RAD51B: variants seen among roughly 807,000 people sequenced by gnomAD.
The protein encoded by RAD51B is RAD51 paralog B.
A neutral mutation model predicts 42.2 loss-of-function variants in RAD51B; 38 were observed. The observed-to-expected ratio is 0.90, with a 90% CI of 0.70 to 1.18. The LOEUF is 1.18. Ranked by LOEUF, RAD51B falls within the 50% of genes most tolerant of loss-of-function variation. The probability of loss-of-function intolerance (pLI) is 0.00; values close to 1 mark genes in which losing one functional copy is unlikely to be tolerated. For synonymous variants in RAD51B, 154 were observed against 145.2 expected (o/e 1.06, Z -0.43); for missense variants, 373 against 400.7 (o/e 0.93, Z 0.59).
intron 3 of RAD51B, among the ~76,000 whole-genome samples, chr14:67,833,991 T>G (rs2041144708): frequency 6.6e-6 from 1 of 152,242 alleles, no homozygotes; most frequent in South Asian, 2.1e-4. Flanking sequence ...GTGGCAGTTC[T>G]AATACAAATC....
At chr14:68,342,700 T>C (rs2139841450) in intron 8 of RAD51B, among the ~76,000 whole-genome samples, 1 of 148,136 alleles carries the variant, frequency 6.8e-6, no homozygotes, top group Admixed American at 7.0e-5. Flanking sequence ...CGCAGAAAGG[T>C]TTATCCTTGT....
intron 3 of RAD51B, 41 bp from the exon 4 acceptor site, chr14:67,835,039 A>ATG: frequency 7.0e-7 from 1 of 1,437,230 alleles, no homozygotes; most frequent in Non-Finnish European, 9.7e-7. Context: ...TTTTGAATAT[A>ATG]TATAGAGGTT....
intron 10 of RAD51B, among the ~76,000 whole-genome samples, chr14:68,550,567 T>A (rs1469945214): frequency 5.3e-5 from 8 of 152,270 alleles, no homozygotes; most frequent in African/African-American, 1.9e-4. Context: ...GCATTTTGCC[T>A]GTTGGAATGT....
Position 68,110,357 on chromosome 14 carries a change from C to T in RAD51B, c.757-181527C>T, listed in dbSNP as rs540254812. Among the ~76,000 whole-genome samples, 15 of 151,986 alleles carry T rather than the reference C, an allele frequency of 9.9e-5. 1 individual carries two copies. The South Asian group carries it at 3.1e-3, about 32-fold the overall frequency. On this transcript the variant is annotated intron_variant, in intron 7 of 10. Coordinates refer to ENST00000471583, the MANE Select transcript of RAD51B (RefSeq NM_133510.4). The stretch of plus-strand genomic sequence containing the variant: ...AAGGTGTTCATACTGTTCCACAATC[C>T]CCTCTTCTTACCATTATTAGTTAGG...
intron 8 of RAD51B, among the ~76,000 whole-genome samples, chr14:68,301,592 G>GTTT (rs139865933): frequency 6.7e-4 from 73 of 109,742 alleles, no homozygotes; most frequent in African/African-American, 1.5e-3. Context: ...TTGTTTGTGT[G>GTTT]TTTTTTTTTT....
chr14:68,308,592 A>G (rs1022357809), intron 8 of RAD51B, among the ~76,000 whole-genome samples: 7 of 152,038 alleles, frequency 4.6e-5, no homozygotes, highest in African/African-American at 1.4e-4. Context: ...TTAAGAAACA[A>G]AACTTTCTAG....
intron 10 of RAD51B, among the ~76,000 whole-genome samples, chr14:68,504,662 C>CTTTTTTTTTTTTTTTTTTTTTTTTTTCTT (rs57967320): frequency 1.1e-5 from 1 of 90,434 alleles, no homozygotes; most frequent in African/African-American, 4.1e-5. Flanking sequence ...TTTTTTCTTT[C>CTTTTTTTTTTTTTTTTTTTTTTTTTTCTT]TTTTTTTTTT....
chr14:68,278,564 T>A (rs566218880), intron 7 of RAD51B, among the ~76,000 whole-genome samples: 132 of 152,326 alleles, frequency 8.7e-4, no homozygotes, highest in African/African-American at 3.1e-3. Context: ...ATTGCATTTG[T>A]TAAAAATTCC....
intron 7 of RAD51B, among the ~76,000 whole-genome samples, chr14:68,250,223 C>G (rs1263417843): frequency 6.6e-6 from 1 of 152,176 alleles, no homozygotes; most frequent in Non-Finnish European, 1.5e-5. Context: ...CCCTACCAGT[C>G]CCCCTCATTC....
intron 7 of RAD51B, among the ~76,000 whole-genome samples, chr14:68,090,919 T>G (rs1052925112): frequency 1.7e-4 from 24 of 144,432 alleles, no homozygotes; most frequent in South Asian, 4.4e-4. Flanking sequence ...TTCTCATTGT[T>G]CAATTCCCAC....
At chr14:68,588,809 C>G (rs940467771) in intron 10 of RAD51B, among the ~76,000 whole-genome samples, 1 of 152,144 alleles carries the variant, frequency 6.6e-6, no homozygotes, top group Admixed American at 6.5e-5. Flanking sequence ...TGTGTTCTGT[C>G]ATTACAGTCC....
At chr14:68,655,307 A>G (rs1192447770) in intron 11 of RAD51B, among the ~76,000 whole-genome samples, 1 of 152,074 alleles carries the variant, frequency 6.6e-6, no homozygotes, top group Non-Finnish European at 1.5e-5. Flanking sequence ...GAGCAGGTTC[A>G]CAGCTGCTCA....
intron 7 of RAD51B, among the ~76,000 whole-genome samples, chr14:68,096,060 G>C (rs1412617169): frequency 1.3e-5 from 2 of 150,504 alleles, no homozygotes; most frequent in Non-Finnish European, 2.9e-5. Flanking sequence ...AGCAGAACCA[G>C]AATGTGAAGC....
intron 8 of RAD51B, among the ~76,000 whole-genome samples, chr14:68,355,061 A>G (rs551160875): frequency 6.6e-6 from 1 of 152,344 alleles, no homozygotes; most frequent in African/African-American, 2.4e-5. Context: ...CGTGATGCAC[A>G]GTAAAAAGAA....
chr14:67,875,933 A>G (rs1453207006), intron 5 of RAD51B, among the ~76,000 whole-genome samples: 1 of 152,210 alleles, frequency 6.6e-6, no homozygotes, highest in Non-Finnish European at 1.5e-5. Flanking sequence ...AGAAAGAAAC[A>G]ATAGGGGAGA....
At chr14:67,909,705 G>C (rs1475338613) in intron 7 of RAD51B, among the ~76,000 whole-genome samples, 2 of 152,182 alleles carry the variant, frequency 1.3e-5, no homozygotes, top group African/African-American at 4.8e-5. Flanking sequence ...TTTTTTGAGA[G>C]AGGGTCTCTG....
In RAD51B at chr14:68,004,328, G is replaced by A. The variant is rs112052028; in HGVS notation, c.756+117124G>A. 9.0e-3 allele frequency among the ~76,000 whole-genome samples: 996 copies of A among 110,324 alleles called. 10 individuals carry two copies. Among genetic ancestry groups the A allele is most frequent in the African/African-American group, 0.036 (952 of 26,764 alleles). 72.4% of individuals were successfully genotyped at this position (110,324 alleles called of 152,430 possible). ...AGCCTGGGCAACACAGCAAGACTCC[G>A]TCTCAAAAAAAAAAAAAAAAAAAAA... On this transcript the variant is annotated intron_variant, in intron 7 of 10. Transcript: ENST00000471583.
intron 10 of RAD51B, among the ~76,000 whole-genome samples, chr14:68,518,914 C>T (rs1487713968): frequency 6.6e-6 from 1 of 152,212 alleles, no homozygotes; most frequent in Admixed American, 6.5e-5. Flanking sequence ...ATGTGACATT[C>T]TGGACCAAAC....
chr14:67,970,677 A>G (rs542722924), intron 7 of RAD51B, among the ~76,000 whole-genome samples: 1 of 151,970 alleles, frequency 6.6e-6, no homozygotes, highest in South Asian at 2.1e-4. Context: ...TCCACTTCTC[A>G]CCTTCTTGTG....
Sources: gnomAD v4.1 joint callset for allele counts (sites outside exome capture counted in the v4.1 genomes callset) on GRCh38, gnomAD v4.1.1 for gene constraint, MANE v1.5 for transcripts, NCBI Gene and HGNC (gene_info 2026-07-23, HGNC 2026-07-21) for gene names.